Variants in MAP3K20 observed in about 807,000 individuals in gnomAD.
The protein encoded by MAP3K20 is HCCS-4.
A neutral mutation model predicts 85.7 loss-of-function variants in MAP3K20; 40 were observed. The ratio of observed to expected loss-of-function variants is 0.47; its 90% CI spans 0.36 to 0.61. The LOEUF (loss-of-function observed/expected upper bound fraction) is 0.61. MAP3K20 is among the 20% of genes least tolerant of loss of function. MAP3K20 has a pLI of 0.00. For missense variants in MAP3K20, 817 were observed against 961.7 expected, an observed-to-expected ratio of 0.85 and a Z score of 1.99; for synonymous variants, 325 against 327.7, an observed-to-expected ratio of 0.99 and a Z score of 0.09.
chr2:173,260,346 C>A (rs1050999336), intron 17 of MAP3K20, among the ~76,000 whole-genome samples: 1 of 152,120 alleles, frequency 6.6e-6, no homozygotes, highest in African/African-American at 2.4e-5. Context: ...CCAGCCTGGG[C>A]GACAGAGTGA....
intron 4 of MAP3K20, among the ~76,000 whole-genome samples, chr2:173,185,438 T>TA (rs1050410980): frequency 1.6e-3 from 230 of 145,342 alleles, no homozygotes; most frequent in Middle Eastern, 7.2e-3. Flanking sequence ...GATGGCCCAT[T>TA]AAAAAAAAAA....
In MAP3K20 at chr2:173,209,805, A is replaced by G. The variant is rs1683820869; in HGVS notation, c.821A>G (p.Asn274Ser). The G allele has an allele frequency of 6.2e-7, 1 of 1,614,006 alleles. No homozygotes were observed. Among genetic ancestry groups the G allele is most frequent in the South Asian group, 1.1e-5 (1 of 91,082 alleles). Reference sequence around the variant, plus strand: ...GACACGAGCCTTCCTGACAAGTGTAACTCATTCCTACACAACAAGGCGGAG... The same window carrying G: ...GACACGAGCCTTCCTGACAAGTGTAGCTCATTCCTACACAACAAGGCGGAG... ...SNDTSLPDKC[N>S]SFLHNKAEWR... The change falls in exon 10 of 20, where the codon AAC (asparagine) becomes AGC (serine). Residue 274 changes from asparagine (N) to serine (S), a missense_variant. Around this residue, in one of 4 missense-constraint regions of MAP3K20, gnomAD observed 158 missense variants for 162.0 expected, o/e 0.98. Transcript: ENST00000375213.
chr2:173,225,758 C>T (rs935832763), intron 11 of MAP3K20: 3 of 985,234 alleles, frequency 3.0e-6, no homozygotes, highest in South Asian at 4.7e-5. Context: ...CGGCAGCATA[C>T]GACCTGAATT....
chr2:173,237,118 C>T (rs1179222051), intron 14 of MAP3K20, among the ~76,000 whole-genome samples: 2 of 150,566 alleles, frequency 1.3e-5, no homozygotes, highest in Non-Finnish European at 3.0e-5. Flanking sequence ...CCTCCGCCTC[C>T]CGGATTCAAG....
intron 3 of MAP3K20, among the ~76,000 whole-genome samples, chr2:173,180,955 A>C (rs894680003): frequency 2.6e-5 from 4 of 152,204 alleles, no homozygotes; most frequent in Non-Finnish European, 5.9e-5. Flanking sequence ...GAAAAGACAA[A>C]TGACAAACTG....
intron 7 of MAP3K20, among the ~76,000 whole-genome samples, chr2:173,195,132 A>G (rs1259719233): frequency 6.6e-6 from 1 of 152,030 alleles, no homozygotes; most frequent in Non-Finnish European, 1.5e-5. Context: ...AAAAAAAGAA[A>G]AGCAAAAATC....
chr2:173,207,225 G>T (rs1412004894), intron 9 of MAP3K20, among the ~76,000 whole-genome samples: 1 of 152,204 alleles, frequency 6.6e-6, no homozygotes, highest in African/African-American at 2.4e-5. Context: ...TCGTGCAGTG[G>T]CTCACGTCTG....
At chr2:173,159,302 G>C (rs1689571943) in intron 2 of MAP3K20, among the ~76,000 whole-genome samples, 1 of 131,688 alleles carries the variant, frequency 7.6e-6, no homozygotes, top group Non-Finnish European at 1.8e-5. Flanking sequence ...TCTTGTCTGT[G>C]TTTTTGTCAC....
At chr2:173,195,553 T>C (rs1226335579) in intron 7 of MAP3K20, among the ~76,000 whole-genome samples, 1 of 152,210 alleles carries the variant, frequency 6.6e-6, no homozygotes, top group Non-Finnish European at 1.5e-5. Flanking sequence ...ATAACTGGTA[T>C]TTTTAGGCAT....
At chr2:173,098,115 A>G (rs1687515965) in intron 2 of MAP3K20, among the ~76,000 whole-genome samples, 1 of 152,206 alleles carries the variant, frequency 6.6e-6, no homozygotes, top group South Asian at 2.1e-4. Flanking sequence ...AATCCTCTCA[A>G]TATTTAAGTA....
At chr2:173,203,765 A>ATTTTG in intron 8 of MAP3K20, 31 bp from the exon 9 acceptor site, 2 of 1,534,400 alleles carry the variant, frequency 1.3e-6, no homozygotes, top group Non-Finnish European at 1.8e-6. Context: ...TCCCTGTTTT[A>ATTTTG]TTTTGTTTTG....
At chr2:173,222,079 G>C (rs1684267712) in intron 11 of MAP3K20, 5 of 927,424 alleles carry the variant, frequency 5.4e-6, no homozygotes, top group Non-Finnish European at 6.4e-6. Flanking sequence ...GCACACACCT[G>C]TAGTCCCAGA....
At position 173,076,114 on chromosome 2, in the gene MAP3K20, C is replaced by T. The variant is rs550640923; in HGVS notation, c.-35+112C>T. The T allele has an allele frequency of 8.0e-5, 66 of 827,376 alleles. No individual in the cohort carries two copies. The East Asian group carries it at 7.4e-3, about 93-fold the overall frequency. The allele number at this position is 827,376 out of a possible 1,614,324, so 51.3% of individuals were successfully genotyped here. A position where few individuals can be genotyped will look rare whatever the true frequency, so the allele number is the denominator to read the frequency against. On this transcript the variant is annotated intron_variant, in intron 1 of 19. Transcript: ENST00000375213. ...CGAGGCTCCGCCGGAGCCCGGGAGTCTAGGCGGCCTCGGGAGGCTCCTCGG... is the reference window on the plus strand; with the variant it reads ...CGAGGCTCCGCCGGAGCCCGGGAGTTTAGGCGGCCTCGGGAGGCTCCTCGG...
upstream of MAP3K20, chr2:173,075,675 G>A (rs1191964269): frequency 2.1e-6 from 2 of 967,822 alleles, no homozygotes; most frequent in Admixed American, 6.2e-5. Context: ...AGGCAGGTGT[G>A]TCTGGGGGCC....
chr2:173,123,622 G>GCAAA (rs1178805425), intron 2 of MAP3K20, among the ~76,000 whole-genome samples: 1 of 152,146 alleles, frequency 6.6e-6, no homozygotes, highest in Non-Finnish European at 1.5e-5. Flanking sequence ...GAGTTTCTTT[G>GCAAA]GGGCTTGAAA....
rs904983944 is a variant in MAP3K20, at chr2:173,198,751, G to A, written c.669+639G>A. The A allele has an allele frequency of 1.3e-5, 2 of 152,628 alleles. No individual in the cohort carries two copies. The highest frequency in any genetic ancestry group is 6.5e-5 in the Admixed American group (1 of 15,278). The allele number at this position is 152,628 out of a possible 1,614,324, so 9.5% of individuals were successfully genotyped here. A position where few individuals can be genotyped will look rare whatever the true frequency, so the allele number is the denominator to read the frequency against. The stretch of plus-strand genomic sequence containing the variant: ...AAAGAACTTCAGTGGCGTAAACACC[G>A]TTTGTGCTGTGTCCCCAGCCTCGCT... On this transcript the variant is annotated intron_variant, in intron 8 of 19. Transcript: ENST00000375213. This position sits in a 1 kb window ranked among gnomAD's most constrained non-coding sequence, Gnocchi z 5.8.
chr2:173,174,972 A>G (rs1021528854), intron 3 of MAP3K20, among the ~76,000 whole-genome samples: 1 of 152,186 alleles, frequency 6.6e-6, no homozygotes, highest in Non-Finnish European at 1.5e-5. Flanking sequence ...GTCATAACTG[A>G]CAGCTTTTCA....
chr2:173,169,862 C>G lies in MAP3K20; in HGVS notation c.217C>G (p.Leu73Val), dbSNP rs1358936998. ...RNIIQFYGVI[L>V]EPPNYGIVTE... Reference sequence around the variant, plus strand: ...CATCATCCAGTTTTATGGAGTAATTCTTGAACCTCCCAACTATGGCATTGT... The same window carrying G: ...CATCATCCAGTTTTATGGAGTAATTGTTGAACCTCCCAACTATGGCATTGT... Residue 73 changes from leucine (L) to valine (V), a missense_variant, in exon 3 of 20, where the codon CTT (leucine) becomes GTT (valine). Coordinates refer to ENST00000375213, the MANE Select transcript of MAP3K20 (RefSeq NM_016653.3). The G allele has an allele frequency of 6.2e-7, 1 of 1,613,772 alleles. No individual in the cohort carries two copies. The highest frequency in any genetic ancestry group is 8.5e-7 in the Non-Finnish European group (1 of 1,179,952).
At chr2:173,157,830 G>A (rs1410417226) in intron 2 of MAP3K20, among the ~76,000 whole-genome samples, 1 of 152,194 alleles carries the variant, frequency 6.6e-6, no homozygotes, top group African/African-American at 2.4e-5. Context: ...TTGAGTGTCA[G>A]GAAGACTTGG....
Sources: gnomAD v4.1 joint callset for allele counts (sites outside exome capture counted in the v4.1 genomes callset) on GRCh38, gnomAD v4.1.1 for gene constraint, gnomAD v4.1.1 regional missense constraint, Gnocchi (gnomAD v3.1) non-coding constraint, MANE v1.5 for transcripts, NCBI Gene and HGNC (gene_info 2026-07-23, HGNC 2026-07-21) for gene names.